Variants in MOV10 observed in about 807,000 individuals in gnomAD.
MOV10 encodes Mov10 RNA helicase.
In MOV10, 39 loss-of-function variants were observed where a neutral mutation model predicts 108.4. The observed-to-expected ratio is 0.36, with a 90% confidence interval of 0.28 to 0.47. The LOEUF is 0.47. Among genes scored for constraint, MOV10 ranks in the 20% least tolerant of loss-of-function variants. The pLI is 1.00. For synonymous variants in MOV10, 490 were observed against 523.1 expected (o/e 0.94, Z 0.86); for missense variants, 952 against 1,297.6 (o/e 0.73, Z 4.09).
intron 2 of MOV10, among the ~76,000 whole-genome samples, chr1:112,685,549 G>A (rs1459468765): frequency 3.3e-5 from 5 of 151,914 alleles, no homozygotes; most frequent in African/African-American, 1.2e-4. Flanking sequence ...CAGCTACTTA[G>A]GAGGCTGAGG....
In MOV10 at chr1:112,690,034, C is replaced by T. The variant is rs571867196; in HGVS notation, c.772C>T (p.Arg258Trp). ...GCTGAAGCCCATGACTCCCTTCAAG[C>T]GGACCCGGATCACCGGAAACCCTGT... The part of the protein sequence containing the change: ...AQLKPMTPFK[R>W]TRITGNPVVT... Residue 258 changes from arginine to tryptophan, a missense_variant, in exon 5 of 21, where the codon CGG becomes TGG. This residue lies in a region of MOV10 where 374 missense variants were observed against 468.6 expected (regional missense o/e 0.80). Transcript: ENST00000369645. The T allele has an allele frequency of 5.6e-6, 9 of 1,614,108 alleles. No homozygotes were observed. Among genetic ancestry groups the T allele is most frequent in the East Asian group, 4.5e-5 (2 of 44,878 alleles).
chr1:112,688,552 C>A (rs1673277754), intron 2 of MOV10: 6 of 1,122,856 alleles, frequency 5.3e-6, no homozygotes, highest in Non-Finnish European at 6.6e-6. Context: ...AGCCTCAGCT[C>A]TTTCTTCTGG....
chr1:112,695,333 C>A lies in MOV10; in HGVS notation c.1621-83C>A, dbSNP rs569044100. The A allele has an allele frequency of 1.8e-4, 255 of 1,403,796 alleles. 4 individuals carry two copies. Among genetic ancestry groups the A allele is most frequent in the South Asian group, 9.4e-4 (73 of 77,746 alleles). 87.0% of individuals were successfully genotyped at this position (1,403,796 alleles called of 1,614,324 possible). On this transcript the variant is annotated intron_variant, in intron 10 of 20. Coordinates refer to ENST00000369645, the MANE Select transcript of MOV10 (RefSeq NM_001321324.2). The stretch of plus-strand genomic sequence containing the variant: ...TTGGAGTCACCATTCACATTTCAGT[C>A]ATCATAGACTTGCCCTGCCCCAGCC...
intron 2 of MOV10, among the ~76,000 whole-genome samples, chr1:112,686,574 T>C (rs1673096422): frequency 6.6e-6 from 1 of 152,198 alleles, no homozygotes; most frequent in Non-Finnish European, 1.5e-5. Context: ...GACTCCCTAA[T>C]ACTAGGCTGT....
chr1:112,698,405 C>G lies in MOV10; in HGVS notation c.2435C>G (p.Ala812Gly), dbSNP rs1674310361. 1 of 1,614,220 alleles carries G rather than the reference C, an allele frequency of 6.2e-7. No homozygotes were observed. Among genetic ancestry groups the G allele is most frequent in the African/African-American group, 1.3e-5 (1 of 75,050 alleles). ...ACTTCCTACCTGAAGCTGCTCCTGGCCCCCTCCTCCAAGAAGGGCAAAGCT... is the reference window on the plus strand; with the variant it reads ...ACTTCCTACCTGAAGCTGCTCCTGGGCCCCTCCTCCAAGAAGGGCAAAGCT... ...TVTSYLKLLL[A>G]PSSKKGKARL... Residue 812 changes from alanine (A) to glycine (G), a missense_variant, in exon 16 of 21, where the codon GCC becomes GGC. Transcript: ENST00000369645.
Position 112,694,068 on chromosome 1 carries a change from G to C in MOV10, c.1191G>C (p.Leu397=). Residue 397 remains leucine (L), a synonymous_variant, in exon 8 of 21, where the codon CTG becomes CTC. Transcript: ENST00000369645. This position sits in a 1 kb window ranked among gnomAD's most constrained non-coding sequence, Gnocchi z 4.1. ...CCTCAGTGCTACGGGGCGACCACCTGTTTGCCCTTTTGTCCTCGGAGACAC... is the reference window on the plus strand; with the variant it reads ...CCTCAGTGCTACGGGGCGACCACCTCTTTGCCCTTTTGTCCTCGGAGACAC... ...SRPSVLRGDH[L]FALLSSETHQ... 1 of 1,614,080 alleles carries C rather than the reference G, an allele frequency of 6.2e-7. No individual in the cohort carries two copies. Among genetic ancestry groups the C allele is most frequent in the Non-Finnish European group, 8.5e-7 (1 of 1,180,000 alleles).
chr1:112,675,174 G>C lies in MOV10; in HGVS notation c.137+125G>C, dbSNP rs1672086507. 2 of 1,136,866 alleles carry C rather than the reference G, an allele frequency of 1.8e-6. No individual in the cohort carries two copies. Among genetic ancestry groups the C allele is most frequent in the Non-Finnish European group, 2.4e-6 (2 of 839,044 alleles). 70.4% of individuals were successfully genotyped at this position (1,136,866 alleles called of 1,614,324 possible). ...GCAGCTCCCCCAGCGGCTCAGGCCA[G>C]TCCCGGGGCGGCGCAGACCTCCCCT... On this transcript the variant is annotated intron_variant, in intron 2 of 20. Coordinates refer to ENST00000369645, the MANE Select transcript of MOV10 (RefSeq NM_001321324.2). The surrounding 1 kb of genome is among the most constrained non-coding windows in gnomAD (Gnocchi z 4.7).
chr1:112,677,132 A>C (rs1672257918), intron 2 of MOV10, among the ~76,000 whole-genome samples: 1 of 152,134 alleles, frequency 6.6e-6, no homozygotes, highest in African/African-American at 2.4e-5. Context: ...GAAAGAGATA[A>C]AATTTTAGTA....
chr1:112,678,129 A>T (rs1306837053), intron 2 of MOV10, among the ~76,000 whole-genome samples: 2 of 152,072 alleles, frequency 1.3e-5, no homozygotes, highest in African/African-American at 2.4e-5. Flanking sequence ...CCCCAACTGT[A>T]AGAGTATGTA....
chr1:112,683,410 T>C (rs551221930), intron 2 of MOV10, among the ~76,000 whole-genome samples: 60 of 152,344 alleles, frequency 3.9e-4, no homozygotes, highest in African/African-American at 1.3e-3. Context: ...GGTTGTTGTA[T>C]TTTTTATTTT....
At position 112,694,720 on chromosome 1, in the gene MOV10, C is replaced by A; in HGVS notation, c.1473-29C>A. On this transcript the variant is annotated intron_variant, in intron 9 of 20. Transcript: ENST00000369645. The surrounding 1 kb of genome is among the most constrained non-coding windows in gnomAD (Gnocchi z 4.1). ...AGGCCTCTGGGTCACTGGATGACTT[C>A]AAGTTCACATTCCTGGTCCCTCTGC... 1 of 1,609,562 alleles carries A rather than the reference C, an allele frequency of 6.2e-7. No homozygotes were observed. The highest frequency in any genetic ancestry group is 8.5e-7 in the Non-Finnish European group (1 of 1,176,748).
Position 112,699,665 on chromosome 1 carries a change from C to T in MOV10, c.2584-20C>T. 6.2e-7 allele frequency: 1 copy of T among 1,614,114 alleles called. No homozygotes were observed. Among genetic ancestry groups the T allele is most frequent in the Non-Finnish European group, 8.5e-7 (1 of 1,180,004 alleles). On this transcript the variant is annotated intron_variant, in intron 17 of 20. Transcript: ENST00000369645. ...TTGACACCCCTGGCTGGTCTCAGGC[C>T]CTGCCTCTTTCCCCACTAGGTGGGT...
Position 112,700,056 on chromosome 1 carries a change from G to A in MOV10, c.2798+74G>A, listed in dbSNP as rs190006098. 33 of 1,589,808 alleles carry A rather than the reference G, an allele frequency of 2.1e-5. No homozygotes were observed. The East Asian group carries it at 2.2e-4, about 11-fold the overall frequency. On this transcript the variant is annotated intron_variant, in intron 19 of 20. Transcript: ENST00000369645. ...TAGGGCAGGTGGATCTTTTTTAAGC[G>A]CTTGCTTATCGCTCAGTTAATCCTC...
chr1:112,685,686 T>A (rs1267751042), intron 2 of MOV10, among the ~76,000 whole-genome samples: 1 of 124,782 alleles, frequency 8.0e-6, no homozygotes. Flanking sequence ...TAAAATAAAA[T>A]ATAAAATAAA....
At chr1:112,686,256 G>A (rs1199029214) in intron 2 of MOV10, among the ~76,000 whole-genome samples, 1 of 152,194 alleles carries the variant, frequency 6.6e-6, no homozygotes, top group Non-Finnish European at 1.5e-5. Context: ...AGGGCTGCAA[G>A]GATCAAGATA....
At chr1:112,683,780 T>C (rs1038505922) in intron 2 of MOV10, among the ~76,000 whole-genome samples, 1 of 152,214 alleles carries the variant, frequency 6.6e-6, no homozygotes, top group Admixed American at 6.5e-5. Context: ...TTTCACTCTG[T>C]TGATGGGCAT....
Position 112,700,736 on chromosome 1 carries a change from A to G in MOV10, c.*229A>G. 2 of 1,494,994 alleles carry G rather than the reference A, an allele frequency of 1.3e-6. No individual in the cohort carries two copies. The highest frequency in any genetic ancestry group is 1.8e-6 in the Non-Finnish European group (2 of 1,127,084). 92.6% of individuals were successfully genotyped at this position (1,494,994 alleles called of 1,614,324 possible). ...CTGAAAACAAAATCTTGTTCTATGC[A>G]AAAGCCTTGATAATGTCTCCTCTGC... On this transcript the variant is annotated 3_prime_UTR_variant, in exon 21 of 21. Transcript: ENST00000369645.
intron 2 of MOV10, among the ~76,000 whole-genome samples, chr1:112,686,568 C>T (rs1673096208): frequency 6.6e-6 from 1 of 152,196 alleles, no homozygotes; most frequent in South Asian, 2.1e-4. Flanking sequence ...CCTGGGGACT[C>T]CCTAATACTA....
At chr1:112,679,262 G>A (rs554334548) in intron 2 of MOV10, among the ~76,000 whole-genome samples, 67 of 152,190 alleles carry the variant, frequency 4.4e-4, no homozygotes, top group African/African-American at 1.5e-3. Context: ...TCTGCAGAGG[G>A]GCACAGTGAT....
Sources: gnomAD v4.1 joint callset for allele counts (sites outside exome capture counted in the v4.1 genomes callset) on GRCh38, gnomAD v4.1.1 for gene constraint, gnomAD v4.1.1 regional missense constraint, Gnocchi (gnomAD v3.1) non-coding constraint, MANE v1.5 for transcripts, NCBI Gene and HGNC (gene_info 2026-07-23, HGNC 2026-07-21) for gene names.